FRMD4B: variants seen among roughly 807,000 people sequenced by gnomAD.
The protein encoded by FRMD4B is FERM domain-containing protein 4B.
A neutral mutation model predicts 141.5 loss-of-function variants in FRMD4B; 74 were observed. The ratio of observed to expected loss-of-function variants is 0.52; its 90% CI spans 0.43 to 0.63. The LOEUF is 0.63. Among genes scored for constraint, FRMD4B ranks in the 30% least tolerant of loss-of-function variants. FRMD4B has a pLI of 0.00. For synonymous variants in FRMD4B, 506 were observed against 467.9 expected, an observed-to-expected ratio of 1.08 and a Z score of -1.05; for missense variants, 1,366 against 1,253.4, an observed-to-expected ratio of 1.09 and a Z score of -1.36.
At chr3:69,280,235 T>C (rs1400323117) in intron 5 of FRMD4B, among the ~76,000 whole-genome samples, 1 of 152,088 alleles carries the variant, frequency 6.6e-6, no homozygotes, top group East Asian at 1.9e-4. Context: ...AGGTGGTTGT[T>C]TTGTGAAGGC....
intron 21 of FRMD4B, among the ~76,000 whole-genome samples, chr3:69,180,423 T>C (rs1489236885): frequency 6.6e-6 from 1 of 152,024 alleles, no homozygotes; most frequent in African/African-American, 2.4e-5. Context: ...CCAGGAGGGA[T>C]GTATAATTCT....
chr3:69,183,123 G>C (rs997150457), intron 19 of FRMD4B, among the ~76,000 whole-genome samples: 2 of 152,050 alleles, frequency 1.3e-5, no homozygotes, highest in African/African-American at 4.8e-5. Context: ...ATAGCTTTTG[G>C]CTTTGTGGGC....
At chr3:69,409,657 T>C (rs944522222) in intron 2 of FRMD4B, among the ~76,000 whole-genome samples, 2 of 152,160 alleles carry the variant, frequency 1.3e-5, no homozygotes, top group Non-Finnish European at 2.9e-5. Flanking sequence ...CCAATTGGCA[T>C]GTGAGGGGAC....
chr3:69,412,880 G>A (rs930080636), intron 2 of FRMD4B, among the ~76,000 whole-genome samples: 27 of 102,510 alleles, frequency 2.6e-4, no homozygotes, highest in African/African-American at 1.1e-3. Context: ...GAGACGAGAA[G>A]CTCCACTTTG....
chr3:69,521,199 A>G (rs1302649536), intron 1 of FRMD4B, among the ~76,000 whole-genome samples: 2 of 152,092 alleles, frequency 1.3e-5, no homozygotes, highest in Non-Finnish European at 2.9e-5. Context: ...ATGTGCACCC[A>G]CTATGGGGGT....
intron 1 of FRMD4B, among the ~76,000 whole-genome samples, 179 bp downstream of exon 1, chr3:69,385,649 T>C (rs1704232672): frequency 1.3e-5 from 2 of 151,994 alleles, no homozygotes; most frequent in Non-Finnish European, 2.9e-5. Context: ...ATTTGAAAAA[T>C]TCACAAGCTC....
At chr3:69,280,158 C>A (rs2093638064) in intron 5 of FRMD4B, among the ~76,000 whole-genome samples, 1 of 152,082 alleles carries the variant, frequency 6.6e-6, no homozygotes, top group Admixed American at 6.6e-5. Context: ...TAGACCACAG[C>A]CATGTTGAAT....
intron 2 of FRMD4B, among the ~76,000 whole-genome samples, chr3:69,405,912 C>G (rs1201064701): frequency 6.6e-6 from 1 of 152,160 alleles, no homozygotes; most frequent in Non-Finnish European, 1.5e-5. Flanking sequence ...TTATTAATGT[C>G]ATTTCAAATA....
chr3:69,483,460 T>C (rs1237023470), intron 1 of FRMD4B, among the ~76,000 whole-genome samples: 2 of 152,254 alleles, frequency 1.3e-5, no homozygotes, highest in Non-Finnish European at 2.9e-5. Context: ...TTTAAGAAGA[T>C]ATTTTGGAGT....
intron 4 of FRMD4B, among the ~76,000 whole-genome samples, chr3:69,297,986 AT>A (rs1202603499): frequency 6.6e-6 from 1 of 152,018 alleles, no homozygotes; most frequent in Admixed American, 6.5e-5. Context: ...TGCTTTAAAT[AT>A]TTTCTTTTCT....
At position 69,264,015 on chromosome 3, in the gene FRMD4B, G is replaced by A. The variant is rs181789240; in HGVS notation, c.502-13916C>T. 1.2e-3 allele frequency among the ~76,000 whole-genome samples: 184 copies of A among 149,936 alleles called. 7 individuals carry two copies. Among genetic ancestry groups the A allele is most frequent in the Admixed American group, 0.011 (167 of 15,058 alleles). ...TAATTTTTGTATTTTTAGAGACTGGGTTTTGCCATGTTGGCCAGGCTGGTC... is the reference window on the plus strand; with the variant it reads ...TAATTTTTGTATTTTTAGAGACTGGATTTTGCCATGTTGGCCAGGCTGGTC... On this transcript the variant is annotated intron_variant, in intron 5 of 22. Coordinates refer to ENST00000398540, the MANE Select transcript of FRMD4B (RefSeq NM_015123.3).
intron 1 of FRMD4B, among the ~76,000 whole-genome samples, chr3:69,475,043 G>T (rs747966984): frequency 6.6e-6 from 1 of 152,064 alleles, no homozygotes; most frequent in Non-Finnish European, 1.5e-5. Context: ...ACATAGCAAC[G>T]TGACCTCGGG....
intron 1 of FRMD4B, among the ~76,000 whole-genome samples, chr3:69,471,041 T>G (rs866344345): frequency 6.4e-4 from 97 of 152,198 alleles, no homozygotes; most frequent in African/African-American, 2.3e-3. Context: ...AAACACAAAC[T>G]GTAAATGTTA....
intron 7 of FRMD4B, chr3:69,228,649 A>C: frequency 2.9e-6 from 1 of 346,490 alleles, no homozygotes; most frequent in Non-Finnish European, 5.7e-6. Flanking sequence ...GACCTGGGCA[A>C]CACAGTGAGA....
Position 69,179,564 on chromosome 3 carries a change from A to G in FRMD4B, c.2851+1335T>C, listed in dbSNP as rs140708291. 5.3e-5 allele frequency among the ~76,000 whole-genome samples: 8 copies of G among 152,338 alleles called. No homozygotes were observed. In the East Asian group the frequency reaches 1.4e-3, roughly 26 times the overall value. On this transcript the variant is annotated intron_variant, in intron 21 of 22. Coordinates refer to ENST00000398540, the MANE Select transcript of FRMD4B (RefSeq NM_015123.3). ...CAAAGTCCTGCACAAATAGGAGAGA[A>G]CTTGAACCCAAATAGAAATCTCCAT...
chr3:69,201,049 G>T (rs1021775772), intron 11 of FRMD4B, among the ~76,000 whole-genome samples: 2 of 152,192 alleles, frequency 1.3e-5, no homozygotes, highest in Non-Finnish European at 2.9e-5. Flanking sequence ...TACTTAAAAG[G>T]CGAAGGACTT....
At chr3:69,404,505 T>C (rs1704619624) in intron 2 of FRMD4B, among the ~76,000 whole-genome samples, 2 of 152,238 alleles carry the variant, frequency 1.3e-5, no homozygotes, top group Admixed American at 1.3e-4. Context: ...ATTTTCACAA[T>C]GACCTATGAA....
chr3:69,271,507 T>A (rs905913292), intron 5 of FRMD4B, among the ~76,000 whole-genome samples: 1 of 152,178 alleles, frequency 6.6e-6, no homozygotes, highest in Non-Finnish European at 1.5e-5. Context: ...AGATGACAGG[T>A]ATAACGAGCT....
intron 1 of FRMD4B, among the ~76,000 whole-genome samples, chr3:69,338,644 G>A (rs950526485): frequency 1.3e-5 from 2 of 152,098 alleles, no homozygotes; most frequent in Non-Finnish European, 2.9e-5. Flanking sequence ...AGTACACATG[G>A]ACACAAAGAA....
Sources: allele counts gnomAD v4.1 joint callset (sites outside exome capture counted in the v4.1 genomes callset), GRCh38; gene constraint gnomAD v4.1.1; transcripts MANE v1.5; gene names NCBI Gene and HGNC (gene_info 2026-07-23, HGNC 2026-07-21).